Variants in DIAPH2 observed in about 807,000 individuals in gnomAD.
DIAPH2 encodes diaphanous related formin 2, also known as protein diaphanous homolog 2.
In DIAPH2, 35 loss-of-function variants were observed where a neutral mutation model predicts 92.7. The ratio of observed to expected loss-of-function variants is 0.38; its 90% CI spans 0.29 to 0.50. DIAPH2 has a LOEUF of 0.50. DIAPH2 is among the 20% of genes least tolerant of loss of function. The probability of loss-of-function intolerance (pLI) is 0.94; values close to 1 mark genes in which losing one functional copy is unlikely to be tolerated. For missense variants in DIAPH2, 701 were observed against 819.5 expected, an observed-to-expected ratio of 0.86 and a Z score of 1.77; for synonymous variants, 301 against 280.4, an observed-to-expected ratio of 1.07 and a Z score of -0.73.
chrX:96,867,692 T>C (rs1448943241), intron 4 of DIAPH2, among the ~76,000 whole-genome samples: 6 of 111,864 alleles, frequency 5.4e-5, no homozygotes, highest in African/African-American at 1.9e-4. Context: ...ACACATATGT[T>C]TGAGTTTGTT....
In DIAPH2 at chrX:97,028,620, G is replaced by A. The variant is rs1391597934; in HGVS notation, c.2051-44321G>A. On this transcript the variant is annotated intron_variant, in intron 17 of 26. Coordinates refer to ENST00000324765, the MANE Select transcript of DIAPH2 (RefSeq NM_006729.5). ...GCTTCCAAGGTTCATCCGTGTTGTA[G>A]CATATATCAATACTTCATTCCTTTT... Among the ~76,000 whole-genome samples, 4 of 112,093 alleles carry A rather than the reference G, an allele frequency of 3.6e-5. No homozygotes were observed. In the Admixed American group the frequency reaches 3.8e-4, roughly 11 times the overall value.
At chrX:97,099,223 C>T (rs919419370) in intron 19 of DIAPH2, among the ~76,000 whole-genome samples, 3 of 110,298 alleles carry the variant, frequency 2.7e-5, no homozygotes, top group South Asian at 3.9e-4. Flanking sequence ...AAAATTAGCC[C>T]GGCATGGTGG....
intron 20 of DIAPH2, among the ~76,000 whole-genome samples, chrX:97,104,450 G>A (rs182248983): frequency 4.6e-5 from 5 of 109,703 alleles, no homozygotes; most frequent in Non-Finnish European, 9.5e-5. Flanking sequence ...GTGCAGTGGC[G>A]AGATCATACC....
At chrX:96,930,940 T>C in intron 10 of DIAPH2, 97 bp downstream of exon 10, 2 of 947,161 alleles carry the variant, frequency 2.1e-6, no homozygotes, top group Non-Finnish European at 2.8e-6. Context: ...TGTGCTTTGC[T>C]ATTTTGTTTT....
chrX:97,568,921 A>T (rs1023956184), intron 26 of DIAPH2, among the ~76,000 whole-genome samples: 4 of 111,955 alleles, frequency 3.6e-5, no homozygotes, highest in Admixed American at 9.5e-5. Context: ...TAAAGAATAG[A>T]TGCAAAAAAG....
chrX:97,148,630 T>C (rs1275187600), intron 22 of DIAPH2, among the ~76,000 whole-genome samples: 2 of 111,350 alleles, frequency 1.8e-5, no homozygotes, highest in African/African-American at 6.5e-5. Context: ...GCACCTGATA[T>C]TGGAAGCTAA....
At chrX:97,423,615 C>T (rs1422258240) in intron 25 of DIAPH2, among the ~76,000 whole-genome samples, 1 of 111,482 alleles carries the variant, frequency 9.0e-6, no homozygotes, top group Non-Finnish European at 1.9e-5. Flanking sequence ...TGATAAGTAG[C>T]TCACACAAAG....
chrX:97,258,886 AAAAAAC>A (rs2068265067), intron 23 of DIAPH2, among the ~76,000 whole-genome samples: 1 of 106,294 alleles, frequency 9.4e-6, no homozygotes, highest in African/African-American at 3.4e-5. Flanking sequence ...AAAAAAAAAA[AAAAAAC>A]AACAACAACA....
At chrX:97,044,102 T>C (rs2066464670) in intron 17 of DIAPH2, among the ~76,000 whole-genome samples, 1 of 112,374 alleles carries the variant, frequency 8.9e-6, no homozygotes, top group Admixed American at 9.4e-5. Context: ...TTGTAACAGG[T>C]TTTTTGTTTG....
chrX:97,572,372 T>G (rs1484638265), intron 26 of DIAPH2, among the ~76,000 whole-genome samples: 1 of 111,375 alleles, frequency 9.0e-6, no homozygotes. Context: ...TAAACTGAAA[T>G]AATGAGTAAT....
intron 4 of DIAPH2, among the ~76,000 whole-genome samples, chrX:96,794,192 C>T (rs2064521751): frequency 9.0e-6 from 1 of 111,153 alleles, no homozygotes; most frequent in South Asian, 3.8e-4. Context: ...GGCACTAATT[C>T]CATTCATGAA....
At chrX:97,125,341 C>T (rs1003761051) in intron 21 of DIAPH2, among the ~76,000 whole-genome samples, 9 of 107,406 alleles carry the variant, frequency 8.4e-5, no homozygotes, top group African/African-American at 1.4e-4. Flanking sequence ...GGCGTGGTGG[C>T]GGGCACCTGT....
chrX:97,590,447 C>T (rs1390555414), intron 26 of DIAPH2, among the ~76,000 whole-genome samples: 1 of 112,297 alleles, frequency 8.9e-6, no homozygotes, highest in Non-Finnish European at 1.9e-5. Flanking sequence ...TCTAAGTCAG[C>T]ATATCAGCAA....
rs768298747 is a variant in DIAPH2 at position 96,841,733 on chromosome X, A to G, written c.448-39846A>G. Among the ~76,000 whole-genome samples, 34 of 112,029 alleles carry G rather than the reference A, an allele frequency of 3.0e-4. No homozygotes were observed. In the East Asian group the frequency reaches 6.1e-3, roughly 20 times the overall value. On this transcript the variant is annotated intron_variant, in intron 4 of 26. Coordinates refer to ENST00000324765, the MANE Select transcript of DIAPH2 (RefSeq NM_006729.5). Reference sequence around the variant, plus strand: ...CCTGATTGTTATTCATAATTTCCCAATGCACTGTAAACTTTCTGTCATGCG... The same window carrying G: ...CCTGATTGTTATTCATAATTTCCCAGTGCACTGTAAACTTTCTGTCATGCG...
chrX:97,423,527 A>G (rs1459807396), intron 25 of DIAPH2, among the ~76,000 whole-genome samples: 2 of 112,099 alleles, frequency 1.8e-5, no homozygotes, highest in Non-Finnish European at 3.8e-5. Flanking sequence ...AGCAGCAGGC[A>G]TTCGGCATCT....
intron 22 of DIAPH2, among the ~76,000 whole-genome samples, chrX:97,165,653 C>T (rs1425872208): frequency 1.1e-5 from 1 of 93,374 alleles, no homozygotes; most frequent in Non-Finnish European, 2.2e-5. Flanking sequence ...GCCACCATGC[C>T]CAGCAATTTT....
At chrX:97,594,983 T>C (rs1602690161) in intron 26 of DIAPH2, among the ~76,000 whole-genome samples, 1 of 111,542 alleles carries the variant, frequency 9.0e-6, no homozygotes, top group East Asian at 2.8e-4. Context: ...CCTCATGCCA[T>C]ATTCAAGATA....
At chrX:97,440,265 T>A (rs1378070997) in intron 26 of DIAPH2, among the ~76,000 whole-genome samples, 2 of 111,313 alleles carry the variant, frequency 1.8e-5, no homozygotes, top group Non-Finnish European at 3.8e-5. Flanking sequence ...GAACCACCAA[T>A]TTATGGGACT....
At chrX:97,591,335 C>A (rs151287034) in intron 26 of DIAPH2, among the ~76,000 whole-genome samples, 431 of 111,976 alleles carry the variant, frequency 3.8e-3, no homozygotes, top group Non-Finnish European at 5.7e-3. Context: ...GTTTCATGTT[C>A]TAGTTGTTGG....
Sources: gnomAD v4.1 joint callset for allele counts (sites outside exome capture counted in the v4.1 genomes callset) on GRCh38, gnomAD v4.1.1 for gene constraint, MANE v1.5 for transcripts, NCBI Gene and HGNC (gene_info 2026-07-23, HGNC 2026-07-21) for gene names.